The following PCDHGB4 variants were observed in gnomAD, a reference collection of about 807,000 sequenced individuals.
PCDHGB4 encodes protocadherin gamma-B4.
Under a neutral mutation model 60.5 loss-of-function variants are expected in PCDHGB4, and 38 were observed. The observed-to-expected ratio is 0.63, with a 90% CI of 0.48 to 0.82. The LOEUF (loss-of-function observed/expected upper bound fraction) is 0.82. Ranked by LOEUF, PCDHGB4 falls within the 40% of genes least tolerant of loss-of-function variation. The pLI, the probability that PCDHGB4 is intolerant of heterozygous loss-of-function variation, is 0.00. For synonymous variants in PCDHGB4, 456 were observed against 509.7 expected (o/e 0.89, Z 1.42); for missense variants, 1,109 against 1,209.6 (o/e 0.92, Z 1.23).
At chr5:141,448,359 CTTTA>C in intron 1 of PCDHGB4, among the ~76,000 whole-genome samples, 1 of 152,074 alleles carries the variant, frequency 6.6e-6, no homozygotes, top group East Asian at 1.9e-4. Context: ...TAGTAGTTTT[CTTTA>C]TTTTATTTTT....
chr5:141,396,595 G>C (rs1227428439), intron 1 of PCDHGB4: 1 of 151,972 alleles, frequency 6.6e-6, no homozygotes, highest in African/African-American at 2.4e-5. Flanking sequence ...ACTCCAGCCT[G>C]GGCAACAGGG....
chr5:141,455,140 A>G (rs1465733732), intron 1 of PCDHGB4, among the ~76,000 whole-genome samples: 1 of 150,512 alleles, frequency 6.6e-6, no homozygotes, highest in Non-Finnish European at 1.5e-5. Context: ...ACACTGTGTT[A>G]AATAAATATT....
chr5:141,449,837 TAATTA>T (rs1054425190), intron 1 of PCDHGB4, among the ~76,000 whole-genome samples: 11 of 151,856 alleles, frequency 7.2e-5, no homozygotes, highest in Middle Eastern at 3.4e-3. Context: ...TTCTTTTATA[TAATTA>T]AATTTTAATA....
intron 1 of PCDHGB4, chr5:141,423,674 C>A (rs57195665): frequency 0.087 from 131,432 of 1,514,090 alleles, 6,254 homozygotes; most frequent in East Asian, 0.14. Flanking sequence ...AGATTTATTT[C>A]TCTGCCTCCT....
chr5:141,491,896 C>A lies in PCDHGB4; in HGVS notation c.2398-2911C>A. ...CGATTAAGGGATGGGGCTCCGAGCA[C>A]CGGGGGTGGTGGCGACTGTGGGCGA... On this transcript the variant is annotated intron_variant, in intron 1 of 3. Coordinates refer to ENST00000519479, the MANE Select transcript of PCDHGB4 (RefSeq NM_003736.4). This position sits in a 1 kb window ranked among gnomAD's most constrained non-coding sequence, Gnocchi z 6.9. 1 of 1,434,504 alleles carries A rather than the reference C, an allele frequency of 7.0e-7. No homozygotes were observed. Among genetic ancestry groups the A allele is most frequent in the Non-Finnish European group, 9.2e-7 (1 of 1,084,690 alleles). The allele number at this position is 1,434,504 out of a possible 1,614,324, so 88.9% of individuals were successfully genotyped here.
At position 141,476,193 on chromosome 5, in the gene PCDHGB4, T is replaced by C. The variant is rs1224461188; in HGVS notation, c.2398-18614T>C. On this transcript the variant is annotated intron_variant, in intron 1 of 3. Coordinates refer to ENST00000519479, the MANE Select transcript of PCDHGB4 (RefSeq NM_003736.4). The surrounding 1 kb of genome is among the most constrained non-coding windows in gnomAD (Gnocchi z 7.6). The stretch of plus-strand genomic sequence containing the variant: ...GGAGTTTTGCTTCTGCTTGGTGCCT[T>C]GAACAAGGCTTCCACGGTCATTCAC... The C allele has an allele frequency of 6.2e-7, 1 of 1,613,812 alleles. No homozygotes were observed. Among genetic ancestry groups the C allele is most frequent in the South Asian group, 1.1e-5 (1 of 91,068 alleles).
chr5:141,458,848 T>C (rs1044462303), intron 1 of PCDHGB4, among the ~76,000 whole-genome samples: 1 of 152,182 alleles, frequency 6.6e-6, no homozygotes, highest in Non-Finnish European at 1.5e-5. Flanking sequence ...TCCTCCCACC[T>C]CAGCCTTCCA....
intron 1 of PCDHGB4, chr5:141,427,178 A>G (rs1175390589): frequency 4.4e-6 from 2 of 456,644 alleles, no homozygotes; most frequent in Admixed American, 2.3e-5. Flanking sequence ...AAAATGGGGA[A>G]ATTAAATCCA....
intron 1 of PCDHGB4, among the ~76,000 whole-genome samples, chr5:141,470,483 G>T (rs1163257164): frequency 6.6e-6 from 1 of 152,112 alleles, no homozygotes; most frequent in African/African-American, 2.4e-5. Context: ...CTAACCCTCT[G>T]GGAATAATAT....
chr5:141,388,965 G>T lies in PCDHGB4; in HGVS notation c.1081G>T (p.Gly361Ter), dbSNP rs1164641835. ...PNLIMEDAEL[G>*]THIALLKVRD... The stretch of plus-strand genomic sequence containing the variant: ...CCTAATTATGGAGGACGCCGAGCTG[G>T]GAACACATATTGCTTTGCTCAAAGT... Residue 361 changes from glycine (G) to a stop codon, truncating the protein, a stop_gained, in exon 1 of 4, where the codon GGA becomes TGA. Transcript: ENST00000519479. LOFTEE classifies it high-confidence loss of function. 6.2e-7 allele frequency: 1 copy of T among 1,613,978 alleles called. No individual in the cohort carries two copies. Among genetic ancestry groups the T allele is most frequent in the Admixed American group, 1.7e-5 (1 of 60,028 alleles).
In PCDHGB4 at chr5:141,477,854, C is replaced by G; in HGVS notation, c.2398-16953C>G. 3.1e-6 allele frequency: 5 copies of G among 1,614,098 alleles called. No individual in the cohort carries two copies. Among genetic ancestry groups the G allele is most frequent in the Non-Finnish European group, 4.2e-6 (5 of 1,180,004 alleles). ...GCCAGGTGGGAGCTCGGTGGAGATG[C>G]TGCCTCGAGGTACCTCAGCTGGCCA... On this transcript the variant is annotated intron_variant, in intron 1 of 3. Transcript: ENST00000519479. This position sits in a 1 kb window ranked among gnomAD's most constrained non-coding sequence, Gnocchi z 4.9.
chr5:141,398,855 A>C, intron 1 of PCDHGB4: 1 of 1,613,970 alleles, frequency 6.2e-7, no homozygotes, highest in Non-Finnish European at 8.5e-7. Context: ...CCGGTATTCA[A>C]CCGAGACGTG....
chr5:141,434,650 C>A (rs931043426), intron 1 of PCDHGB4, among the ~76,000 whole-genome samples: 6 of 152,092 alleles, frequency 3.9e-5, no homozygotes, highest in Non-Finnish European at 5.9e-5. Context: ...TTTAGTTAAT[C>A]TAATATCTAT....
At chr5:141,443,317 C>CAA (rs35054295) in intron 1 of PCDHGB4, among the ~76,000 whole-genome samples, 2,546 of 141,926 alleles carry the variant, frequency 0.018, 55 homozygotes, top group African/African-American at 0.052. Flanking sequence ...CCCATCTCTA[C>CAA]AAAAAAAAAA....
intron 1 of PCDHGB4, chr5:141,393,689 C>G (rs2150535299): frequency 6.2e-7 from 1 of 1,613,890 alleles, no homozygotes; most frequent in Middle Eastern, 1.7e-4. Context: ...CTCCGTTATT[C>G]CAGCTTAATG....
Position 141,419,064 on chromosome 5 carries a change from A to G in PCDHGB4, c.2397+28783A>G, listed in dbSNP as rs149057484. ...ATTCATTCTTCTTCTAATAATTACT[A>G]CAAGCTAGTAACAGATGAGGCCCTG... On this transcript the variant is annotated intron_variant, in intron 1 of 3. Transcript: ENST00000519479. 51 of 1,613,962 alleles carry G rather than the reference A, an allele frequency of 3.2e-5. No homozygotes were observed. In the African/African-American group the frequency reaches 5.9e-4, roughly 19 times the overall value.
chr5:141,421,524 G>A (rs375937711), intron 1 of PCDHGB4: 25 of 1,613,940 alleles, frequency 1.5e-5, no homozygotes, highest in Admixed American at 5.0e-5. Context: ...TCTGTGAGAC[G>A]GTGTCCTCCT....
intron 1 of PCDHGB4, among the ~76,000 whole-genome samples, chr5:141,448,117 A>G (rs564444141): frequency 6.6e-6 from 1 of 152,094 alleles, no homozygotes; most frequent in Non-Finnish European, 1.5e-5. Flanking sequence ...AAAGAAAATT[A>G]GCCTCCCCCA....
rs1412764202 is a variant in PCDHGB4, at chr5:141,486,708, C to T, written c.2398-8099C>T. The T allele has an allele frequency of 1.2e-6, 2 of 1,614,062 alleles. No individual in the cohort carries two copies. Among genetic ancestry groups the T allele is most frequent in the Non-Finnish European group, 1.7e-6 (2 of 1,180,054 alleles). ...GCTTCCTCTTTCATCTCTCTGAACC[C>T]CCAGACAGGAGCTGTTCATGCTACT... On this transcript the variant is annotated intron_variant, in intron 1 of 3. Coordinates refer to ENST00000519479, the MANE Select transcript of PCDHGB4 (RefSeq NM_003736.4). This position sits in a 1 kb window ranked among gnomAD's most constrained non-coding sequence, Gnocchi z 5.0.
Sources: gnomAD v4.1 joint callset for allele counts (sites outside exome capture counted in the v4.1 genomes callset) on GRCh38, gnomAD v4.1.1 for gene constraint, Gnocchi (gnomAD v3.1) non-coding constraint, MANE v1.5 for transcripts, NCBI Gene and HGNC (gene_info 2026-07-23, HGNC 2026-07-21) for gene names.